PCDHGA3: variants seen among roughly 807,000 people sequenced by gnomAD.
PCDHGA3 encodes protocadherin gamma-A3.
A neutral mutation model predicts 58.5 loss-of-function variants in PCDHGA3; 40 were observed. That is an observed-to-expected ratio of 0.68 (90% CI 0.53 to 0.89). The LOEUF is 0.89. Among genes scored for constraint, PCDHGA3 ranks in the 40% least tolerant of loss-of-function variants. The probability of loss-of-function intolerance (pLI) is 0.00; values close to 1 mark genes in which losing one functional copy is unlikely to be tolerated. For missense variants in PCDHGA3, 1,223 were observed against 1,195.9 expected, an observed-to-expected ratio of 1.02 and a Z score of -0.33; for synonymous variants, 530 against 525.7, an observed-to-expected ratio of 1.01 and a Z score of -0.11.
intron 1 of PCDHGA3, among the ~76,000 whole-genome samples, chr5:141,473,413 G>A (rs1282997381): frequency 6.6e-6 from 1 of 152,156 alleles, no homozygotes; most frequent in Non-Finnish European, 1.5e-5. Context: ...CTTCTTCAGT[G>A]GGGGAAGCAG....
At chr5:141,364,862 TTC>T in intron 1 of PCDHGA3, 3 of 1,613,988 alleles carry the variant, frequency 1.9e-6, no homozygotes, top group Non-Finnish European at 2.5e-6. Context: ...CAATCTGCAC[TTC>T]TCTCTGGATG....
rs1427881816 is a variant in PCDHGA3 at position 141,486,740 on chromosome 5, T to C, written c.2425-8067T>C. ...AGGAGCTGTTCATGCTACTCGATCC[T>C]TTGACTATGAGCAAACCCAGACACT... On this transcript the variant is annotated intron_variant, in intron 1 of 3. Coordinates refer to ENST00000253812, the MANE Select transcript of PCDHGA3 (RefSeq NM_018916.4). The surrounding 1 kb of genome is among the most constrained non-coding windows in gnomAD (Gnocchi z 5.0). 6.2e-7 allele frequency: 1 copy of C among 1,614,234 alleles called. No homozygotes were observed. Among genetic ancestry groups the C allele is most frequent in the Admixed American group, 1.7e-5 (1 of 60,026 alleles).
At chr5:141,367,190 T>C (rs1025427411) in intron 1 of PCDHGA3, 2 of 158,754 alleles carry the variant, frequency 1.3e-5, no homozygotes, top group South Asian at 1.8e-4. Flanking sequence ...AAGGAAATAA[T>C]TTACAGTATT....
chr5:141,414,134 A>G, intron 1 of PCDHGA3: 1 of 1,595,028 alleles, frequency 6.3e-7, no homozygotes, highest in Non-Finnish European at 8.5e-7. Flanking sequence ...GGTTTCTATG[A>G]AATAGAAATA....
chr5:141,364,661 G>A (rs369366226), intron 1 of PCDHGA3: 127 of 1,614,028 alleles, frequency 7.9e-5, no homozygotes, highest in Non-Finnish European at 1.0e-4. Flanking sequence ...CATCTTGGTT[G>A]AGAACAAAAT....
chr5:141,501,621 A>T (rs1348614977), intron 2 of PCDHGA3, among the ~76,000 whole-genome samples: 1 of 152,100 alleles, frequency 6.6e-6, no homozygotes, highest in Non-Finnish European at 1.5e-5. Context: ...ACTCTGGTAT[A>T]GTCTCTCAAC....
At chr5:141,438,633 TATACAC>T (rs1275936248) in intron 1 of PCDHGA3, among the ~76,000 whole-genome samples, 1,035 of 33,718 alleles carry the variant, frequency 0.031, 6 homozygotes, top group African/African-American at 0.063. Context: ...TATATATATA[TATACAC>T]ACACACACAC....
At chr5:141,405,267 A>G (rs1384687423) in intron 1 of PCDHGA3, 1 of 1,614,154 alleles carries the variant, frequency 6.2e-7, no homozygotes, top group South Asian at 1.1e-5. Context: ...ATCTTCCCCC[A>G]GCCCAACTAT....
chr5:141,450,893 C>T (rs1306212499), intron 1 of PCDHGA3, among the ~76,000 whole-genome samples: 3 of 149,144 alleles, frequency 2.0e-5, no homozygotes, highest in East Asian at 2.0e-4. Flanking sequence ...GGTGCGATAT[C>T]GGCTCACTGC....
At chr5:141,371,175 G>C (rs753971437) in intron 1 of PCDHGA3, 2 of 1,613,886 alleles carry the variant, frequency 1.2e-6, no homozygotes, top group African/African-American at 2.7e-5. Context: ...TGGCTCCTCC[G>C]TATTAAAAGT....
chr5:141,375,231 C>A, intron 1 of PCDHGA3: 1 of 1,613,964 alleles, frequency 6.2e-7, no homozygotes. Context: ...GGCCTGGTAA[C>A]CTGTTCCATC....
At chr5:141,372,576 C>A in intron 1 of PCDHGA3, 2 of 1,614,066 alleles carry the variant, frequency 1.2e-6, no homozygotes. Context: ...GGGCTACTTT[C>A]AGCCTGGTGT....
intron 1 of PCDHGA3, chr5:141,413,063 T>G: frequency 1.8e-6 from 2 of 1,142,610 alleles, no homozygotes; most frequent in East Asian, 5.1e-5. Context: ...CACTCCAGAA[T>G]TTAAAGTGCC....
intron 1 of PCDHGA3, chr5:141,359,984 G>A (rs927658696): frequency 3.4e-6 from 3 of 894,908 alleles, no homozygotes; most frequent in Non-Finnish European, 3.1e-6. Context: ...GCCTCTTAGA[G>A]GGGAACTTCC....
rs186593502 is a variant in PCDHGA3 at position 141,429,415 on chromosome 5, A to G, written c.2425-65392A>G. Among the ~76,000 whole-genome samples, 582 of 151,976 alleles carry G rather than the reference A, an allele frequency of 3.8e-3. 6 individuals carry two copies. The highest frequency in any genetic ancestry group is 0.011 in the Admixed American group (171 of 15,260). ...AAAAAATTGAGATTAAGGTCTCATT[A>G]TGTTGCCCAGGCTGGACTCAAACTC... is the stretch of plus-strand genomic sequence containing the variant. On this transcript the variant is annotated intron_variant, in intron 1 of 3. Transcript: ENST00000253812.
chr5:141,373,498 G>A (rs1282997273), intron 1 of PCDHGA3, among the ~76,000 whole-genome samples: 2 of 152,206 alleles, frequency 1.3e-5, no homozygotes, highest in Non-Finnish European at 2.9e-5. Flanking sequence ...ACTCTAGCCT[G>A]GGAGACAGAG....
intron 1 of PCDHGA3, chr5:141,374,219 G>C: frequency 6.2e-7 from 1 of 1,614,020 alleles, no homozygotes; most frequent in African/African-American, 1.3e-5. Flanking sequence ...CTCCTTCGTA[G>C]GCAACATCGT....
intron 2 of PCDHGA3, among the ~76,000 whole-genome samples, chr5:141,500,877 A>AT (rs369345007): frequency 0.053 from 6,532 of 122,188 alleles, 326 homozygotes; most frequent in Admixed American, 0.19. Context: ...TTCATTTACA[A>AT]TTTTTTTTTT....
intron 1 of PCDHGA3, chr5:141,370,714 A>C: frequency 6.2e-7 from 1 of 1,613,830 alleles, no homozygotes. Context: ...CTGGAATTTG[A>C]AATGGTTGCT....
Sources: allele counts gnomAD v4.1 joint callset (sites outside exome capture counted in the v4.1 genomes callset), GRCh38; gene constraint gnomAD v4.1.1; non-coding constraint Gnocchi (gnomAD v3.1); transcripts MANE v1.5; gene names NCBI Gene and HGNC (gene_info 2026-07-23, HGNC 2026-07-21).